The following SYCP1 variants were observed in gnomAD, a reference collection of about 807,000 sequenced individuals.
SYCP1 encodes cancer/testis antigen 8.
A neutral mutation model predicts 153.1 loss-of-function variants in SYCP1; 64 were observed. The observed-to-expected ratio is 0.42, with a 90% CI of 0.34 to 0.51. The LOEUF is 0.51. SYCP1 is among the 20% of genes least tolerant of loss of function. The pLI is 0.06. For missense variants in SYCP1, 997 were observed against 1,049.0 expected (o/e 0.95, Z 0.68); for synonymous variants, 384 against 341.8 (o/e 1.12, Z -1.36).
At chr1:114,881,543 T>C (rs360641) in intron 12 of SYCP1, among the ~76,000 whole-genome samples, 1,743 of 122,728 alleles carry the variant, frequency 0.014, 59 homozygotes, top group East Asian at 0.034. Flanking sequence ...TTCCTTCCTT[T>C]CTTGATGGAG....
In SYCP1 at chr1:114,944,460, GA is replaced by G; in HGVS notation, c.2043+10del. The G allele has an allele frequency of 1.3e-6, 2 of 1,515,504 alleles. No homozygotes were observed. The highest frequency in any genetic ancestry group is 9.1e-7 in the Non-Finnish European group (1 of 1,102,284). The allele number at this position is 1,515,504 out of a possible 1,614,324, so 93.9% of individuals were successfully genotyped here. On this transcript the variant is annotated splice_donor_region_variant and intron_variant, in intron 24 of 31. Transcript: ENST00000369522. ...GAAGAAAATCTTTTGGAAGAGGTGG[GA>G]AAAACTTAATGTATTAAGAACTTAT...
intron 27 of SYCP1, among the ~76,000 whole-genome samples, chr1:114,973,343 A>G (rs1337621906): frequency 1.3e-5 from 2 of 151,978 alleles, no homozygotes; most frequent in African/African-American, 4.8e-5. Flanking sequence ...CCTTTCTCCA[A>G]TCGAGAGAGA....
chr1:114,971,787 A>G (rs1426481847), intron 27 of SYCP1, among the ~76,000 whole-genome samples: 1 of 152,128 alleles, frequency 6.6e-6, no homozygotes, highest in Non-Finnish European at 1.5e-5. Flanking sequence ...ATGATGAATG[A>G]TGTTTCAATG....
chr1:114,863,970 TG>T (rs1357769847), intron 8 of SYCP1, among the ~76,000 whole-genome samples: 2 of 28,226 alleles, frequency 7.1e-5, no homozygotes, highest in South Asian at 1.2e-3. Flanking sequence ...CCGGGCCTGT[TG>T]GGGGGTGGGG....
At chr1:114,983,217 C>T (rs1470693788) in intron 29 of SYCP1, among the ~76,000 whole-genome samples, 1 of 151,964 alleles carries the variant, frequency 6.6e-6, no homozygotes, top group Non-Finnish European at 1.5e-5. Flanking sequence ...GATAGCCCTA[C>T]ACATATGCGT....
At position 114,947,630 on chromosome 1, in the gene SYCP1, G is replaced by A. The variant is rs755761989; in HGVS notation, c.2322+310G>A. On this transcript the variant is annotated intron_variant, in intron 27 of 31. Coordinates refer to ENST00000369522, the MANE Select transcript of SYCP1 (RefSeq NM_003176.4). ...AGATCGAGACCATCCTGGCTAACAC[G>A]GTGAAACCCTGTCTCTACTAAAAAT... Among the ~76,000 whole-genome samples the A allele has an allele frequency of 2.1e-3, 310 of 151,164 alleles. 1 individual carries two copies. Among genetic ancestry groups the A allele is most frequent in the Non-Finnish European group, 3.8e-3 (255 of 67,786 alleles).
rs1038114029 is a variant in SYCP1 at position 114,995,246 on chromosome 1, T to C, written c.*227T>C. On this transcript the variant is annotated 3_prime_UTR_variant, in exon 32 of 32. Coordinates refer to ENST00000369522, the MANE Select transcript of SYCP1 (RefSeq NM_003176.4). Reference sequence around the variant, plus strand: ...GATGATTATATATTGTTGTTACTTTTTCTTGTATTCATGAAAACTGTTTTT... The same window carrying C: ...GATGATTATATATTGTTGTTACTTTCTCTTGTATTCATGAAAACTGTTTTT... 1.2e-5 allele frequency: 4 copies of C among 325,018 alleles called. No individual in the cohort carries two copies. Among genetic ancestry groups the C allele is most frequent in the Non-Finnish European group, 1.6e-5 (3 of 186,262 alleles). The allele number at this position is 325,018 out of a possible 1,614,324, so 20.1% of individuals were successfully genotyped here. A position where few individuals can be genotyped will look rare whatever the true frequency, so the allele number is the denominator to read the frequency against.
At chr1:114,924,048 C>T (rs530097911) in intron 21 of SYCP1, among the ~76,000 whole-genome samples, 1 of 152,126 alleles carries the variant, frequency 6.6e-6, no homozygotes, top group African/African-American at 2.4e-5. Flanking sequence ...ATTCATTCAA[C>T]AAATATTGAC....
chr1:114,985,922 A>AT (rs1553208846), intron 30 of SYCP1, among the ~76,000 whole-genome samples: 18 of 151,856 alleles, frequency 1.2e-4, no homozygotes, highest in East Asian at 3.9e-4. Context: ...GAAAAAAAAA[A>AT]AAATAAATAA....
intron 16 of SYCP1, among the ~76,000 whole-genome samples, chr1:114,900,892 T>G (rs918643184): frequency 2.0e-5 from 3 of 152,238 alleles, no homozygotes; most frequent in African/African-American, 7.2e-5. Context: ...CATAATTTAG[T>G]CCACCTATTT....
chr1:114,943,511 A>G (rs907905878), intron 23 of SYCP1, among the ~76,000 whole-genome samples: 1 of 151,958 alleles, frequency 6.6e-6, no homozygotes, highest in Non-Finnish European at 1.5e-5. Context: ...AAACATTTAT[A>G]TGAAGTTCAA....
intron 27 of SYCP1, among the ~76,000 whole-genome samples, chr1:114,959,842 T>C (rs1003222158): frequency 2.0e-4 from 30 of 152,266 alleles, no homozygotes; most frequent in African/African-American, 7.0e-4. Flanking sequence ...CATGGAAAGT[T>C]TGTCTTTCTG....
chr1:114,944,435 G>C lies in SYCP1; in HGVS notation c.2023G>C (p.Glu675Gln). 1 of 1,595,068 alleles carries C rather than the reference G, an allele frequency of 6.3e-7. No homozygotes were observed. The highest frequency in any genetic ancestry group is 8.5e-7 in the Non-Finnish European group (1 of 1,170,846). The change falls in exon 24 of 32, where the codon GAA (glutamate) becomes CAA (glutamine). Residue 675 changes from glutamate to glutamine, a missense_variant. This residue lies in a region of SYCP1 where 712 missense variants were observed against 682.9 expected (regional missense o/e 1.04). Coordinates refer to ENST00000369522, the MANE Select transcript of SYCP1 (RefSeq NM_003176.4). ...QKEIEDKKISEENLLEEVEKA... is the reference protein window; with the variant it reads ...QKEIEDKKISQENLLEEVEKA... ...AGAAATTGAGGACAAAAAGATATCA[G>C]AAGAAAATCTTTTGGAAGAGGTGGG...
chr1:114,879,480 T>G (rs1190129869), intron 12 of SYCP1, among the ~76,000 whole-genome samples: 1 of 152,198 alleles, frequency 6.6e-6, no homozygotes, highest in Non-Finnish European at 1.5e-5. Flanking sequence ...AATGAATCTC[T>G]TCTCTCCACC....
At chr1:114,889,706 A>T (rs1424236347) in intron 15 of SYCP1, among the ~76,000 whole-genome samples, 1 of 152,148 alleles carries the variant, frequency 6.6e-6, no homozygotes, top group African/African-American at 2.4e-5. Flanking sequence ...CTTTCATTTA[A>T]TTAGATCCCA....
Position 114,944,440 on chromosome 1 carries a change from A to G in SYCP1, c.2028A>G (p.Glu676=). The change falls in exon 24 of 32, where the codon GAA becomes GAG. Residue 676 remains glutamate (E), a synonymous_variant. Coordinates refer to ENST00000369522, the MANE Select transcript of SYCP1 (RefSeq NM_003176.4). ...KEIEDKKISE[E]NLLEEVEKAK... ...TTGAGGACAAAAAGATATCAGAAGAAAATCTTTTGGAAGAGGTGGGAAAAA... is the reference window on the plus strand; with the variant it reads ...TTGAGGACAAAAAGATATCAGAAGAGAATCTTTTGGAAGAGGTGGGAAAAA... 6.3e-7 allele frequency: 1 copy of G among 1,593,948 alleles called. No individual in the cohort carries two copies. The highest frequency in any genetic ancestry group is 1.1e-5 in the South Asian group (1 of 87,498).
chr1:114,962,371 G>A (rs1449043230), intron 27 of SYCP1, among the ~76,000 whole-genome samples: 1 of 152,048 alleles, frequency 6.6e-6, no homozygotes, highest in Non-Finnish European at 1.5e-5. Context: ...TTAGGTCTGT[G>A]ATATTTTCCT....
intron 14 of SYCP1, 105 bp downstream of exon 14, chr1:114,886,414 C>A: frequency 2.1e-6 from 2 of 962,892 alleles, no homozygotes; most frequent in African/African-American, 1.7e-5. Flanking sequence ...GTGTGTAATT[C>A]ATATAACAAC....
intron 23 of SYCP1, among the ~76,000 whole-genome samples, chr1:114,927,830 C>T (rs181505892): frequency 5.6e-4 from 85 of 152,086 alleles, no homozygotes; most frequent in Middle Eastern, 3.4e-3. Context: ...ATAAAATTTT[C>T]GTTTTTGAGA....
Sources: gnomAD v4.1 joint callset for allele counts (sites outside exome capture counted in the v4.1 genomes callset) on GRCh38, gnomAD v4.1.1 for gene constraint, gnomAD v4.1.1 regional missense constraint, MANE v1.5 for transcripts, NCBI Gene and HGNC (gene_info 2026-07-23, HGNC 2026-07-21) for gene names.